The following WDR73 variants were observed in gnomAD, a reference collection of about 807,000 sequenced individuals.
WDR73 encodes integrator complex assembly factor WDR73.
In WDR73, 30 loss-of-function variants were observed where a neutral mutation model predicts 38.2. The ratio of observed to expected loss-of-function variants is 0.79; its 90% confidence interval spans 0.59 to 1.06. The LOEUF (loss-of-function observed/expected upper bound fraction) is 1.06, where lower values mean the gene tolerates loss of function less well. WDR73 is among the 50% of genes least tolerant of loss of function. The pLI is 0.00. For synonymous variants in WDR73, 197 were observed against 176.0 expected, an observed-to-expected ratio of 1.12 and a Z score of -0.94; for missense variants, 487 against 467.0, an observed-to-expected ratio of 1.04 and a Z score of -0.40.
rs1432885219 is a variant in WDR73 at position 84,641,950 on chromosome 15, C to T, written c.*1520G>A. 2 of 152,148 alleles carry T rather than the reference C, an allele frequency of 1.3e-5. No individual in the cohort carries two copies. The highest frequency in any genetic ancestry group is 4.8e-5 in the African/African-American group (2 of 41,426). The allele number at this position is 152,148 out of a possible 1,614,324, so 9.4% of individuals were successfully genotyped here. ...TCCTGGACTCAAGCTATCCTCCCAC[C>T]TCAGCCTCCCAAAGTACTGGGATTA... On this transcript the variant is annotated 3_prime_UTR_variant, in exon 8 of 8. Transcript: ENST00000434634.
chr15:84,653,782 T>C, intron 1 of WDR73, 83 bp from the exon 2 acceptor site: 1 of 1,095,970 alleles, frequency 9.1e-7, no homozygotes, highest in Admixed American at 2.0e-5. Context: ...CATGGTTCAG[T>C]GGCCCAAACT....
intron 3 of WDR73, among the ~76,000 whole-genome samples, chr15:84,652,088 G>A (rs181966674): frequency 4.6e-5 from 7 of 152,194 alleles, no homozygotes; most frequent in East Asian, 1.9e-4. Context: ...GGATGGTCCC[G>A]AACTCCTGAC....
chr15:84,651,331 C>T (rs1223296271), intron 3 of WDR73, among the ~76,000 whole-genome samples: 2 of 150,346 alleles, frequency 1.3e-5, no homozygotes, highest in African/African-American at 4.9e-5. Context: ...GAGGCTGAGG[C>T]GGGAGGATCA....
chr15:84,643,874 C>A, intron 7 of WDR73, 151 bp from the exon 8 acceptor site: 2 of 918,682 alleles, frequency 2.2e-6, no homozygotes, highest in Admixed American at 3.3e-5. Context: ...ATCTCAGCCT[C>A]CCAAAATGCT....
chr15:84,649,907 C>T (rs567454540), intron 3 of WDR73, among the ~76,000 whole-genome samples: 91 of 152,164 alleles, frequency 6.0e-4, no homozygotes, highest in Non-Finnish European at 9.0e-4. Context: ...CCATGTCAGT[C>T]TACAAACTTG....
intron 1 of WDR73, 135 bp downstream of exon 1, chr15:84,654,099 C>T: frequency 8.3e-7 from 1 of 1,202,284 alleles, no homozygotes; most frequent in Admixed American, 1.8e-5. Context: ...AGGCGGAGTC[C>T]TCCACGGTGG....
At chr15:84,648,450 G>T in intron 4 of WDR73, 87 bp downstream of exon 4, 1 of 891,848 alleles carries the variant, frequency 1.1e-6, no homozygotes, top group Non-Finnish European at 1.9e-6. Context: ...GGGTGGGAAT[G>T]GAGATGAGGA....
chr15:84,648,472 C>A (rs1245050092), intron 4 of WDR73, 65 bp downstream of exon 4: 3 of 1,198,208 alleles, frequency 2.5e-6, no homozygotes, highest in Non-Finnish European at 3.7e-6. Flanking sequence ...GCAGAATACC[C>A]CCAGGCATTT....
chr15:84,654,139 T>A (rs1330213705), intron 1 of WDR73, 95 bp downstream of exon 1: 1 of 1,550,916 alleles, frequency 6.4e-7, no homozygotes, highest in Non-Finnish European at 8.9e-7. Context: ...TGGCCCACTC[T>A]GCACCAGGAT....
intron 6 of WDR73, 141 bp from the exon 7 acceptor site, chr15:84,645,977 G>C (rs1896443006): frequency 6.5e-7 from 1 of 1,545,374 alleles, no homozygotes; most frequent in African/African-American, 1.4e-5. Context: ...TCTCACCATT[G>C]TCTGCTCAGC....
chr15:84,648,504 G>A lies in WDR73; in HGVS notation c.287+33C>T, dbSNP rs745435544. 8 of 1,515,166 alleles carry A rather than the reference G, an allele frequency of 5.3e-6. No homozygotes were observed. The Admixed American group carries it at 8.4e-5, about 16-fold the overall frequency. The allele number at this position is 1,515,166 out of a possible 1,614,324, so 93.9% of individuals were successfully genotyped here. ...ATTTGCAGCCATCCCATCCCATCCTGTGTGGATGGCTGGATCACAAAATTG... is the reference window on the plus strand; with the variant it reads ...ATTTGCAGCCATCCCATCCCATCCTATGTGGATGGCTGGATCACAAAATTG... On this transcript the variant is annotated intron_variant, in intron 4 of 7. Coordinates refer to ENST00000434634, the MANE Select transcript of WDR73 (RefSeq NM_032856.5).
chr15:84,652,099 C>G (rs1567025129), intron 3 of WDR73, among the ~76,000 whole-genome samples: 1 of 152,194 alleles, frequency 6.6e-6, no homozygotes, highest in Non-Finnish European at 1.5e-5. Context: ...AACTCCTGAC[C>G]TCATGATCCG....
At position 84,642,040 on chromosome 15, in the gene WDR73, T is replaced by G. The variant is rs1596046384; in HGVS notation, c.*1430A>C. The G allele has an allele frequency of 6.6e-6, 1 of 151,964 alleles. No individual in the cohort carries two copies. Among genetic ancestry groups the G allele is most frequent in the East Asian group, 1.9e-4 (1 of 5,162 alleles). 9.4% of individuals were successfully genotyped at this position (151,964 alleles called of 1,614,324 possible). On this transcript the variant is annotated 3_prime_UTR_variant, in exon 8 of 8. Coordinates refer to ENST00000434634, the MANE Select transcript of WDR73 (RefSeq NM_032856.5). ...GTTAATTATCACTTAACCAGCGAAT[T>G]CACACAGGAGAAATCCCCTGGCCGG...
rs1416832816 is a variant in WDR73 at position 84,645,708 on chromosome 15, T to A, written c.646A>T (p.Ser216Cys). The A allele has an allele frequency of 3.7e-6, 6 of 1,609,792 alleles. No homozygotes were observed. The highest frequency in any genetic ancestry group is 5.1e-6 in the Non-Finnish European group (6 of 1,178,170). ...RQKWAPLENR[S>C]PGPGSGGERW... is the part of the protein sequence containing the mutation. ...TCTCCACCAGACCCAGGGCCAGGGCTGCGATTCTCCAACGGTGCCCACTTC... is the reference window on the plus strand; with the variant it reads ...TCTCCACCAGACCCAGGGCCAGGGCAGCGATTCTCCAACGGTGCCCACTTC... The change falls in exon 7 of 8, where the codon AGC becomes TGC. Residue 216 changes from serine (S) to cysteine (C), a missense_variant. Ser to Cys is a moderately radical substitution (Grantham distance 112). Transcript: ENST00000434634.
In WDR73 at chr15:84,643,287, G is replaced by T; in HGVS notation, c.*183C>A. 3.0e-6 allele frequency: 2 copies of T among 671,072 alleles called. No individual in the cohort carries two copies. The highest frequency in any genetic ancestry group is 5.0e-6 in the Non-Finnish European group (2 of 402,458). 41.6% of individuals were successfully genotyped at this position (671,072 alleles called of 1,614,324 possible). A position where few individuals can be genotyped will look rare whatever the true frequency, so the allele number is the denominator to read the frequency against. On this transcript the variant is annotated 3_prime_UTR_variant, in exon 8 of 8. Transcript: ENST00000434634. Reference sequence around the variant, plus strand: ...CTTCTAACCTTCGCAATATCACTACGAGGTAGTTCTTACTATCCTCATTTT... The same window carrying T: ...CTTCTAACCTTCGCAATATCACTACTAGGTAGTTCTTACTATCCTCATTTT...
chr15:84,649,949 A>G (rs868733833), intron 3 of WDR73, among the ~76,000 whole-genome samples: 1 of 152,136 alleles, frequency 6.6e-6, no homozygotes, highest in Non-Finnish European at 1.5e-5. Flanking sequence ...TCTTGAGATT[A>G]TAATTCAGTA....
chr15:84,643,567 T>G lies in WDR73; in HGVS notation c.1040A>C (p.His347Pro), dbSNP rs1259982484. The G allele has an allele frequency of 1.2e-6, 2 of 1,611,704 alleles. No individual in the cohort carries two copies. Among genetic ancestry groups the G allele is most frequent in the Non-Finnish European group, 1.7e-6 (2 of 1,178,970 alleles). The change falls in exon 8 of 8, where the codon CAC becomes CCC. Residue 347 changes from histidine to proline, a missense_variant. By Grantham distance (77) the His-to-Pro change is moderately conservative. Coordinates refer to ENST00000434634, the MANE Select transcript of WDR73 (RefSeq NM_032856.5). ...CCTTGGTCTGCAGGGATGCCAGGTG[T>G]GGGTGGTGACCAAAGGAGCAGGGTC... ...GMDPAPLVTTHTWHPCRPRTL... is the reference protein window; with the variant it reads ...GMDPAPLVTTPTWHPCRPRTL...
intron 3 of WDR73, among the ~76,000 whole-genome samples, chr15:84,650,866 C>T (rs1358347977): frequency 2.6e-5 from 4 of 152,150 alleles, no homozygotes; most frequent in Non-Finnish European, 4.4e-5. Flanking sequence ...CGGTGGTTCA[C>T]ACCTGGAATC....
chr15:84,645,512 A>T lies in WDR73; in HGVS notation c.842T>A (p.Val281Glu). Residue 281 changes from valine to glutamate, a missense_variant, in exon 7 of 8, where the codon GTG becomes GAG. Transcript: ENST00000434634. ...VPSPDPELLR[V>E]TWAPGLKNCL... ...ATTCTTCAGGCCTGGGGCCCAAGTC[A>T]CTCGCAGCAGCTCTGGGTCAGGGCT... 6.2e-7 allele frequency: 1 copy of T among 1,612,246 alleles called. No homozygotes were observed. The highest frequency in any genetic ancestry group is 8.5e-7 in the Non-Finnish European group (1 of 1,179,158).
Sources: gnomAD v4.1 joint callset for allele counts (sites outside exome capture counted in the v4.1 genomes callset) on GRCh38, gnomAD v4.1.1 for gene constraint, MANE v1.5 for transcripts, NCBI Gene and HGNC (gene_info 2026-07-23, HGNC 2026-07-21) for gene names.